Variants in FYB1 observed in about 807,000 individuals in gnomAD.
The protein encoded by FYB1 is FYN-binding protein 1.
FYB1 carries 41 observed loss-of-function variants against 94.1 expected under a neutral mutation model. That is an observed-to-expected ratio of 0.44 (90% CI 0.34 to 0.57). The LOEUF (loss-of-function observed/expected upper bound fraction) is 0.57, where lower values mean the gene tolerates loss of function less well. FYB1 is among the 20% of genes least tolerant of loss of function. FYB1 has a pLI of 0.02. For missense variants in FYB1, 1,050 were observed against 976.8 expected, an observed-to-expected ratio of 1.07 and a Z score of -1.00; for synonymous variants, 367 against 353.2, an observed-to-expected ratio of 1.04 and a Z score of -0.44.
chr5:39,231,147 C>CAAAAAAAAAA (rs747268330), intron 1 of FYB1, among the ~76,000 whole-genome samples: 95 of 40,822 alleles, frequency 2.3e-3, no homozygotes, highest in African/African-American at 6.3e-3. Flanking sequence ...CAGCTCAGAG[C>CAAAAAAAAAA]AAAAAAAAAA....
At position 39,141,180 on chromosome 5, in the gene FYB1, G is replaced by A. The variant is rs567691777; in HGVS notation, c.1293-39C>T. ...AGAAGAAACAGTGAACATGGAACAAGTAGATGCTCACCTTACAATGAAAAA... is the reference window on the plus strand; with the variant it reads ...AGAAGAAACAGTGAACATGGAACAAATAGATGCTCACCTTACAATGAAAAA... On this transcript the variant is annotated intron_variant, in intron 3 of 18. Coordinates refer to ENST00000512982, the MANE Select transcript of FYB1 (RefSeq NM_001465.6). 5.7e-5 allele frequency: 76 copies of A among 1,324,464 alleles called. No individual in the cohort carries two copies. The South Asian group carries it at 9.3e-4, about 16-fold the overall frequency. 82.0% of individuals were successfully genotyped at this position (1,324,464 alleles called of 1,614,324 possible).
rs560245377 is a variant in FYB1, at chr5:39,268,356, T to C, written c.-28+6047A>G. Among the ~76,000 whole-genome samples, 13 of 151,938 alleles carry C rather than the reference T, an allele frequency of 8.6e-5. No homozygotes were observed. In the East Asian group the frequency reaches 2.3e-3, roughly 27 times the overall value. ...AATCCTCCTGCATCAGCCTCCCTAG[T>C]AGGTGGGACAACAGGCATGCACCAC... is the stretch of plus-strand genomic sequence containing the variant. On this transcript the variant is annotated intron_variant, in intron 1 of 1. Coordinates refer to the FYB1 transcript ENST00000510188.
rs548523839 is a variant in FYB1, at chr5:39,106,060, G to A, written c.*1383C>T. The A allele has an allele frequency of 6.6e-6, 1 of 152,108 alleles. No homozygotes were observed. The highest frequency in any genetic ancestry group is 6.5e-5 in the Admixed American group (1 of 15,270). 9.4% of individuals were successfully genotyped at this position (152,108 alleles called of 1,614,324 possible). ...TTTGCAATATTAAAATGTGGAGAAT[G>A]CATTAATCATTATTTAATCAATGAG... On this transcript the variant is annotated 3_prime_UTR_variant, in exon 19 of 19. Coordinates refer to ENST00000512982, the MANE Select transcript of FYB1 (RefSeq NM_001465.6).
Position 39,119,617 on chromosome 5 carries a change from C to T in FYB1, c.2156G>A (p.Gly719Glu). 4.5e-6 allele frequency: 7 copies of T among 1,540,586 alleles called. No homozygotes were observed. The highest frequency in any genetic ancestry group is 1.7e-4 in the Middle Eastern group (1 of 5,862). ...SAEMSQGTNVGKAKTEEKDLK... is the reference protein window; with the variant it reads ...SAEMSQGTNVEKAKTEEKDLK... ...GTCCTTTTCTTCTGTCTTAGCTTTT[C>T]CAACATTAGTTCCTTGACTAGAACG... is the stretch of plus-strand genomic sequence containing the variant. Residue 719 changes from glycine (G) to glutamate (E), a missense_variant, in exon 15 of 19, where the codon GGA becomes GAA. Gly to Glu is a moderately conservative substitution (Grantham distance 98). Transcript: ENST00000512982.
At chr5:39,223,231 G>A (rs748613600), upstream of FYB1, among the ~76,000 whole-genome samples, 24 of 152,024 alleles carry the variant, frequency 1.6e-4, no homozygotes, top group Non-Finnish European at 2.9e-4. Flanking sequence ...TTCTGAACTG[G>A]AGAATTAATG....
chr5:39,246,766 G>T (rs1751493583), intron 1 of FYB1, among the ~76,000 whole-genome samples: 1 of 152,100 alleles, frequency 6.6e-6, no homozygotes, highest in African/African-American at 2.4e-5. Context: ...CATGTAAACT[G>T]AAAGGAAAAG....
intron 3 of FYB1, among the ~76,000 whole-genome samples, chr5:39,143,103 T>C (rs567154733): frequency 6.6e-6 from 1 of 152,364 alleles, no homozygotes; most frequent in South Asian, 2.1e-4. Context: ...ATGATCTTAA[T>C]GTTGGCAAAT....
chr5:39,238,987 C>T (rs180823673), intron 1 of FYB1, among the ~76,000 whole-genome samples: 13 of 151,950 alleles, frequency 8.6e-5, no homozygotes, highest in Admixed American at 2.6e-4. Flanking sequence ...CTAAAGGGGG[C>T]ATCACCAAGT....
At chr5:39,243,603 A>T (rs1055788494) in intron 1 of FYB1, among the ~76,000 whole-genome samples, 1 of 152,188 alleles carries the variant, frequency 6.6e-6, no homozygotes, top group African/African-American at 2.4e-5. Context: ...CTTTTTGCTT[A>T]GGATTGTCTT....
intron 17 of FYB1, 49 bp downstream of exon 17, chr5:39,110,307 G>A (rs1285486740): frequency 4.2e-6 from 5 of 1,185,776 alleles, no homozygotes; most frequent in Non-Finnish European, 6.0e-6. Context: ...TAAAAAGAAA[G>A]GCACAAAATT....
chr5:39,125,267 T>C lies in FYB1; in HGVS notation c.2045+731A>G, dbSNP rs564418841. ...TTATAAAGACTTGAGCTAAATGTGG[T>C]GAATTCATGAGCTAAATATAAAACA... On this transcript the variant is annotated intron_variant, in intron 12 of 18. Transcript: ENST00000512982. Among the ~76,000 whole-genome samples, 12 of 152,238 alleles carry C rather than the reference T, an allele frequency of 7.9e-5. No individual in the cohort carries two copies. In the East Asian group the frequency reaches 2.3e-3, roughly 29 times the overall value.
chr5:39,203,977 T>C (rs965160762), intron 1 of FYB1, among the ~76,000 whole-genome samples: 8 of 152,078 alleles, frequency 5.3e-5, no homozygotes, highest in Non-Finnish European at 1.0e-4. Flanking sequence ...TATTTCAAAA[T>C]TGGAGGCTTC....
intron 9 of FYB1, among the ~76,000 whole-genome samples, chr5:39,132,963 C>T (rs1741335460): frequency 6.6e-6 from 1 of 152,172 alleles, no homozygotes; most frequent in Admixed American, 6.5e-5. Flanking sequence ...AGTTAATGAT[C>T]TCCAAACTCT....
intron 7 of FYB1, among the ~76,000 whole-genome samples, chr5:39,136,354 C>G (rs1428130040): frequency 6.6e-6 from 1 of 152,110 alleles, no homozygotes; most frequent in Non-Finnish European, 1.5e-5. Flanking sequence ...CAGGCCTGAG[C>G]CACCACGCCT....
chr5:39,131,341 G>A (rs1741190846), intron 9 of FYB1, among the ~76,000 whole-genome samples: 1 of 152,116 alleles, frequency 6.6e-6, no homozygotes, highest in Non-Finnish European at 1.5e-5. Context: ...TCATTATACA[G>A]AAAAGAAACC....
Position 39,107,267 on chromosome 5 carries a change from G to T in FYB1, c.*176C>A, listed in dbSNP as rs1310134587. 7 of 415,452 alleles carry T rather than the reference G, an allele frequency of 1.7e-5. No individual in the cohort carries two copies. The highest frequency in any genetic ancestry group is 1.0e-4 in the African/African-American group (5 of 48,114). 25.7% of individuals were successfully genotyped at this position (415,452 alleles called of 1,614,324 possible). ...TCTTCTGAGTTAACAATTAAGCAGAGAGATTATTTTCTATGTTCAAACTTT... is the reference window on the plus strand; with the variant it reads ...TCTTCTGAGTTAACAATTAAGCAGATAGATTATTTTCTATGTTCAAACTTT... On this transcript the variant is annotated 3_prime_UTR_variant, in exon 19 of 19. Coordinates refer to ENST00000512982, the MANE Select transcript of FYB1 (RefSeq NM_001465.6).
rs541954255 is a variant in FYB1 at position 39,118,461 on chromosome 5, T to C, written c.2401+413A>G. On this transcript the variant is annotated intron_variant, in intron 16 of 18. Transcript: ENST00000512982. ...TACTTTAGCACAGTGGTTCTGACTT[T>C]AGTGTATACATGAACAAGCTAGGGA... Among the ~76,000 whole-genome samples, 30 of 152,288 alleles carry C rather than the reference T, an allele frequency of 2.0e-4. 1 individual carries two copies. The highest frequency in any genetic ancestry group is 3.2e-4 in the Non-Finnish European group (22 of 68,012).
intron 16 of FYB1, among the ~76,000 whole-genome samples, chr5:39,113,431 G>A (rs558404731): frequency 1.3e-5 from 2 of 151,944 alleles, no homozygotes; most frequent in East Asian, 1.9e-4. Context: ...AGAACACAAC[G>A]GCTTGAAACA....
intron 1 of FYB1, among the ~76,000 whole-genome samples, chr5:39,213,756 G>A (rs1163212283): frequency 6.6e-6 from 1 of 152,042 alleles, no homozygotes; most frequent in Non-Finnish European, 1.5e-5. Context: ...GCCCCTTAGA[G>A]TTGGTTACAT....
Sources: allele counts gnomAD v4.1 joint callset (sites outside exome capture counted in the v4.1 genomes callset), GRCh38; gene constraint gnomAD v4.1.1; transcripts MANE v1.5; gene names NCBI Gene and HGNC (gene_info 2026-07-23, HGNC 2026-07-21).